The following CAMTA1 variants were observed in gnomAD, a reference collection of about 807,000 sequenced individuals.
CAMTA1 encodes calmodulin binding transcription activator 1.
In CAMTA1, 27 loss-of-function variants were observed where a neutral mutation model predicts 170.9. That is an observed-to-expected ratio of 0.16 (90% CI 0.12 to 0.22). The LOEUF (loss-of-function observed/expected upper bound fraction) is 0.22. Among genes scored for constraint, CAMTA1 ranks in the 10% least tolerant of loss-of-function variants. The pLI, the probability that CAMTA1 is intolerant of heterozygous loss-of-function variation, is 1.00. For synonymous variants in CAMTA1, 833 were observed against 891.5 expected (o/e 0.93, Z 1.17); for missense variants, 1,619 against 2,217.2 (o/e 0.73, Z 5.42).
chr1:7,291,896 C>T (rs1483695467), intron 5 of CAMTA1, among the ~76,000 whole-genome samples: 1 of 152,226 alleles, frequency 6.6e-6, no homozygotes, highest in African/African-American at 2.4e-5. Flanking sequence ...ATGCCAGCTT[C>T]CCCCGCTGTT....
intron 11 of CAMTA1, among the ~76,000 whole-genome samples, chr1:7,704,550 T>G (rs2096484767): frequency 6.8e-6 from 1 of 147,886 alleles, no homozygotes; most frequent in Non-Finnish European, 1.5e-5. Context: ...TCGGGCGCAG[T>G]TCCGGCGCAG....
intron 5 of CAMTA1, among the ~76,000 whole-genome samples, chr1:7,441,982 A>G (rs2092553108): frequency 6.6e-6 from 1 of 152,080 alleles, no homozygotes; most frequent in Non-Finnish European, 1.5e-5. Context: ...TCCCTGCGTA[A>G]GTCATCCACC....
chr1:7,016,123 C>T lies in CAMTA1; in HGVS notation c.235-75181C>T, dbSNP rs35553818. ...CACACCCTGCCCCATCCTAACCCCC[C>T]GAAATCACTCATCTCTGCTCTGCCA... On this transcript the variant is annotated intron_variant, in intron 3 of 22. Transcript: ENST00000303635. 4.1e-3 allele frequency among the ~76,000 whole-genome samples: 627 copies of T among 152,194 alleles called. 7 individuals are homozygous for T. The highest frequency in any genetic ancestry group is 6.8e-3 in the Middle Eastern group (2 of 294).
intron 6 of CAMTA1, among the ~76,000 whole-genome samples, chr1:7,504,029 C>CG (rs1266069553): frequency 3.3e-5 from 5 of 152,200 alleles, no homozygotes; most frequent in African/African-American, 1.2e-4. Context: ...AGGGGCCTCC[C>CG]GGGCAGGAGA....
intron 5 of CAMTA1, among the ~76,000 whole-genome samples, chr1:7,453,005 A>T (rs1177108377): frequency 6.6e-6 from 1 of 152,212 alleles, no homozygotes; most frequent in Non-Finnish European, 1.5e-5. Context: ...CTCCAAGGAA[A>T]CACAGATGAA....
At chr1:7,171,872 C>T (rs1649684804) in intron 4 of CAMTA1, among the ~76,000 whole-genome samples, 2 of 152,174 alleles carry the variant, frequency 1.3e-5, no homozygotes, top group Non-Finnish European at 2.9e-5. Context: ...AATATGTGAC[C>T]TTGTTGACTG....
At chr1:7,265,688 T>G (rs1327679626) in intron 5 of CAMTA1, among the ~76,000 whole-genome samples, 1 of 152,238 alleles carries the variant, frequency 6.6e-6, no homozygotes. Flanking sequence ...AAATATATTA[T>G]TAAAATTCAT....
At position 7,745,502 on chromosome 1, in the gene CAMTA1, C is replaced by T. The variant is rs566648019; in HGVS notation, c.4371-343C>T. Among the ~76,000 whole-genome samples, 59 of 151,950 alleles carry T rather than the reference C, an allele frequency of 3.9e-4. 1 individual carries two copies. Among genetic ancestry groups the T allele is most frequent in the African/African-American group, 1.3e-3 (54 of 41,412 alleles). ...GATTGCACCACTGCACCCCAGTCTGCGCAACAGAGCAAGATTCTGTCTCAA... is the reference window on the plus strand; with the variant it reads ...GATTGCACCACTGCACCCCAGTCTGTGCAACAGAGCAAGATTCTGTCTCAA... On this transcript the variant is annotated intron_variant, in intron 17 of 22. Transcript: ENST00000303635.
intron 21 of CAMTA1, among the ~76,000 whole-genome samples, chr1:7,754,574 G>T (rs1033364059): frequency 2.6e-5 from 4 of 152,246 alleles, no homozygotes; most frequent in African/African-American, 7.2e-5. Flanking sequence ...TTTGTTTTTA[G>T]AGTTCTCTTT....
chr1:7,572,939 GC>G (rs1352043142), intron 6 of CAMTA1, among the ~76,000 whole-genome samples: 2 of 152,150 alleles, frequency 1.3e-5, no homozygotes, highest in African/African-American at 4.8e-5. Flanking sequence ...ATCCCTCTCA[GC>G]CCCAGCCCAG....
intron 5 of CAMTA1, among the ~76,000 whole-genome samples, chr1:7,287,591 T>A (rs1672529240): frequency 6.6e-6 from 1 of 152,116 alleles, no homozygotes; most frequent in Non-Finnish European, 1.5e-5. Flanking sequence ...CTTCTTCTTC[T>A]TCATCATCAT....
chr1:7,433,893 C>T (rs950181391), intron 5 of CAMTA1, among the ~76,000 whole-genome samples: 1 of 152,116 alleles, frequency 6.6e-6, no homozygotes, highest in African/African-American at 2.4e-5. Flanking sequence ...GCAGTAGCCC[C>T]AGCCTCAGCC....
intron 3 of CAMTA1, among the ~76,000 whole-genome samples, chr1:6,962,633 A>C (rs1014668764): frequency 3.1e-3 from 13 of 4,258 alleles, no homozygotes; most frequent in East Asian, 0.018. Flanking sequence ...CTCTGGACCC[A>C]CCCCTCTTTC....
intron 6 of CAMTA1, among the ~76,000 whole-genome samples, chr1:7,536,485 G>A (rs1262922720): frequency 1.3e-5 from 2 of 152,174 alleles, no homozygotes; most frequent in East Asian, 3.9e-4. Flanking sequence ...ACCATTGGGT[G>A]TCCTTAAACA....
intron 6 of CAMTA1, among the ~76,000 whole-genome samples, chr1:7,486,874 C>G (rs902023314): frequency 6.6e-6 from 1 of 152,176 alleles, no homozygotes; most frequent in East Asian, 1.9e-4. Flanking sequence ...GATACAGAAG[C>G]GGCGGCTTCC....
At chr1:6,916,325 C>T (rs993402773) in intron 3 of CAMTA1, among the ~76,000 whole-genome samples, 1 of 152,104 alleles carries the variant, frequency 6.6e-6, no homozygotes, top group African/African-American at 2.4e-5. Flanking sequence ...AAGACGATGG[C>T]CAAATTGAGT....
intron 11 of CAMTA1, among the ~76,000 whole-genome samples, chr1:7,708,189 G>C (rs1260754879): frequency 6.6e-6 from 1 of 152,118 alleles, no homozygotes; most frequent in Non-Finnish European, 1.5e-5. Context: ...AAATTAGCCA[G>C]GTGTGGCGTT....
chr1:7,104,582 G>A (rs1358766647), intron 4 of CAMTA1, among the ~76,000 whole-genome samples: 2 of 152,178 alleles, frequency 1.3e-5, no homozygotes, highest in Non-Finnish European at 2.9e-5. Flanking sequence ...CCCCTTGAAT[G>A]CCAGCTGCTC....
chr1:7,047,126 C>A (rs1012419197), intron 3 of CAMTA1, among the ~76,000 whole-genome samples: 19 of 152,206 alleles, frequency 1.2e-4, no homozygotes, highest in African/African-American at 4.6e-4. Context: ...GAGGCTCCAG[C>A]AGCCTGGATC....
Sources: allele counts gnomAD v4.1 joint callset (sites outside exome capture counted in the v4.1 genomes callset), GRCh38; gene constraint gnomAD v4.1.1; transcripts MANE v1.5; gene names NCBI Gene and HGNC (gene_info 2026-07-23, HGNC 2026-07-21).